The following CSGALNACT1 variants were observed in gnomAD, a reference collection of about 807,000 sequenced individuals.
CSGALNACT1 encodes the protein chondroitin sulfate N-acetylgalactosaminyltransferase 1, also known as beta4GalNAcT-1.
In CSGALNACT1, 52 loss-of-function variants were observed where a neutral mutation model predicts 51.0. The observed-to-expected ratio is 1.02, with a 90% CI of 0.82 to 1.29. The LOEUF (loss-of-function observed/expected upper bound fraction) is 1.29, where lower values mean the gene tolerates loss of function less well. CSGALNACT1 is among the 50% of genes most tolerant of loss of function. CSGALNACT1 has a pLI of 0.00. For missense variants in CSGALNACT1, 935 were observed against 679.2 expected, an observed-to-expected ratio of 1.38 and a Z score of -4.19; for synonymous variants, 341 against 254.4, an observed-to-expected ratio of 1.34 and a Z score of -3.24.
chr8:19,433,975 A>G (rs1213130988), intron 6 of CSGALNACT1, among the ~76,000 whole-genome samples: 11 of 152,104 alleles, frequency 7.2e-5, no homozygotes, highest in Admixed American at 4.6e-4. Flanking sequence ...GGGCTGTTGA[A>G]TTTCCAGCTT....
intron 4 of CSGALNACT1, among the ~76,000 whole-genome samples, chr8:19,480,491 C>A (rs571389924): frequency 6.6e-6 from 1 of 152,282 alleles, no homozygotes; most frequent in African/African-American, 2.4e-5. Flanking sequence ...TATGTACATA[C>A]CACATTTTCT....
intron 4 of CSGALNACT1, among the ~76,000 whole-genome samples, chr8:19,494,147 C>T (rs534194184): frequency 1.3e-5 from 2 of 152,272 alleles, no homozygotes; most frequent in East Asian, 1.9e-4. Context: ...AGGTTTATCA[C>T]CTTGCCATGC....
rs564801285 is a variant in CSGALNACT1 at position 19,614,375 on chromosome 8, C to T, written c.-543-12510G>A. ...GTGGATTCGCCATTATACCATCCTGCCTCATAACACAATGTTTAAACATAT... is the reference window on the plus strand; with the variant it reads ...GTGGATTCGCCATTATACCATCCTGTCTCATAACACAATGTTTAAACATAT... On this transcript the variant is annotated intron_variant, in intron 1 of 9. Coordinates refer to the CSGALNACT1 transcript ENST00000332246. 1.1e-4 allele frequency among the ~76,000 whole-genome samples: 16 copies of T among 152,290 alleles called. No individual in the cohort carries two copies. The East Asian group carries it at 2.7e-3, about 26-fold the overall frequency.
chr8:19,594,632 C>A (rs964272703), intron 2 of CSGALNACT1, among the ~76,000 whole-genome samples: 3 of 152,180 alleles, frequency 2.0e-5, no homozygotes, highest in Non-Finnish European at 4.4e-5. Flanking sequence ...CAACCTCCAC[C>A]TCCCAGGTTC....
At chr8:19,576,452 C>G (rs2044237332) in intron 3 of CSGALNACT1, among the ~76,000 whole-genome samples, 1 of 152,100 alleles carries the variant, frequency 6.6e-6, no homozygotes, top group South Asian at 2.1e-4. Context: ...CTCAGCCTCT[C>G]AGAGTGCTAG....
chr8:19,458,467 T>C (rs548101085), exon 5 of CSGALNACT1: 2 of 1,614,208 alleles, frequency 1.2e-6, no homozygotes, highest in African/African-American at 1.3e-5. Context: ...CCACCCTTTT[T>C]GCTAGAGGCA....
chr8:19,732,454 A>G (rs2063744686), intron 1 of CSGALNACT1: 1 of 152,220 alleles, frequency 6.6e-6, no homozygotes, highest in African/African-American at 2.4e-5. Context: ...ATTCTGACTC[A>G]CCGATAGTTG....
At chr8:19,418,809 C>A in intron 7 of CSGALNACT1, 59 bp from the exon 7 acceptor site, 1 of 1,255,360 alleles carries the variant, frequency 8.0e-7, no homozygotes, top group South Asian at 1.2e-5. Flanking sequence ...TAGGTTTGTT[C>A]CTTGACATTT....
At chr8:19,614,945 A>T (rs2052789194) in intron 1 of CSGALNACT1, among the ~76,000 whole-genome samples, 1 of 152,246 alleles carries the variant, frequency 6.6e-6, no homozygotes, top group African/African-American at 2.4e-5. Context: ...AGAGTTTTGC[A>T]GTGATATTTC....
chr8:19,646,869 A>T lies in CSGALNACT1; in HGVS notation c.-544+35604T>A, dbSNP rs1180911712. 2.0e-5 allele frequency among the ~76,000 whole-genome samples: 3 copies of T among 152,258 alleles called. No individual in the cohort carries two copies. In the East Asian group the frequency reaches 5.8e-4, roughly 29 times the overall value. ...TTCTAAAGAGGGGGATAAGAGACAC[A>T]CCTCCTCAGTGTCCAGATCTTGCCA... On this transcript the variant is annotated intron_variant, in intron 1 of 9. Transcript: ENST00000332246.
chr8:19,474,111 C>A (rs2068836684), intron 4 of CSGALNACT1, among the ~76,000 whole-genome samples: 1 of 152,060 alleles, frequency 6.6e-6, no homozygotes, highest in Admixed American at 6.5e-5. Flanking sequence ...TGGTCCAGAT[C>A]CATGGAGCTT....
chr8:19,543,087 CTGAG>C (rs2085613937), intron 3 of CSGALNACT1, among the ~76,000 whole-genome samples: 1 of 152,098 alleles, frequency 6.6e-6, no homozygotes, highest in African/African-American at 2.4e-5. Flanking sequence ...CAGATTATGA[CTGAG>C]TTATAACTAA....
chr8:19,472,326 A>C (rs1469406954), intron 4 of CSGALNACT1, among the ~76,000 whole-genome samples: 1 of 152,214 alleles, frequency 6.6e-6, no homozygotes, highest in Non-Finnish European at 1.5e-5. Context: ...GCAGGAACCA[A>C]AAGGTCAAAG....
chr8:19,549,428 T>C (rs1421413296), intron 3 of CSGALNACT1, among the ~76,000 whole-genome samples: 1 of 152,152 alleles, frequency 6.6e-6, no homozygotes, highest in Admixed American at 6.5e-5. Flanking sequence ...AACATTAATT[T>C]TCCCCACACT....
At chr8:19,483,822 T>C (rs939597498) in intron 4 of CSGALNACT1, among the ~76,000 whole-genome samples, 9 of 152,224 alleles carry the variant, frequency 5.9e-5, no homozygotes, top group African/African-American at 2.2e-4. Flanking sequence ...ATTAAGTGAA[T>C]ATGTAGCAAC....
At chr8:19,586,208 C>T (rs1382997358) in intron 3 of CSGALNACT1, among the ~76,000 whole-genome samples, 3 of 151,882 alleles carry the variant, frequency 2.0e-5, no homozygotes, top group Non-Finnish European at 2.9e-5. Flanking sequence ...ACTAAAAACA[C>T]AAAAATTATC....
chr8:19,531,305 C>T (rs887300480), intron 3 of CSGALNACT1, among the ~76,000 whole-genome samples: 1 of 152,078 alleles, frequency 6.6e-6, no homozygotes, highest in African/African-American at 2.4e-5. Flanking sequence ...ACTCATAGCT[C>T]CACATAATTT....
upstream of CSGALNACT1, among the ~76,000 whole-genome samples, chr8:19,687,536 T>C (rs1466385106): frequency 1.3e-5 from 2 of 152,226 alleles, no homozygotes; most frequent in African/African-American, 4.8e-5. Flanking sequence ...AGAAGTTAAT[T>C]AGCACAAAGT....
intron 3 of CSGALNACT1, among the ~76,000 whole-genome samples, chr8:19,573,272 G>T (rs1013181672): frequency 6.6e-6 from 1 of 152,160 alleles, no homozygotes; most frequent in African/African-American, 2.4e-5. Context: ...TGTTGAACAA[G>T]CACAACTGCT....
Sources: allele counts gnomAD v4.1 joint callset (sites outside exome capture counted in the v4.1 genomes callset), GRCh38; gene constraint gnomAD v4.1.1; transcripts MANE v1.5; gene names NCBI Gene and HGNC (gene_info 2026-07-23, HGNC 2026-07-21).